The following NPHP1 variants were observed in gnomAD, a reference collection of about 807,000 sequenced individuals.
NPHP1 encodes the protein nephrocystin-1.
Under a neutral mutation model 90.4 loss-of-function variants are expected in NPHP1, and 70 were observed. That is an observed-to-expected ratio of 0.77 (90% confidence interval 0.64 to 0.95). NPHP1 has a LOEUF of 0.95. Among genes scored for constraint, NPHP1 ranks in the 40% least tolerant of loss-of-function variants. The pLI, the probability that NPHP1 is intolerant of heterozygous loss-of-function variation, is 0.00. For missense variants in NPHP1, 764 were observed against 795.9 expected (o/e 0.96, Z 0.48); for synonymous variants, 256 against 271.7 (o/e 0.94, Z 0.57).
intron 2 of NPHP1, among the ~76,000 whole-genome samples, chr2:110,188,404 A>G (rs904197356): frequency 1.3e-5 from 2 of 152,140 alleles, no homozygotes; most frequent in Non-Finnish European, 2.9e-5. Context: ...CTGAACTCAC[A>G]TTCACAACTG....
intron 2 of NPHP1, chr2:110,185,275 T>C (rs1684208241): frequency 2.2e-6 from 1 of 451,076 alleles, no homozygotes; most frequent in Non-Finnish European, 4.4e-6. Flanking sequence ...TGCCTGTGTG[T>C]GTGAGTGCAT....
At chr2:110,171,331 G>A (rs1683118266) in intron 4 of NPHP1, among the ~76,000 whole-genome samples, 1 of 152,054 alleles carries the variant, frequency 6.6e-6, no homozygotes, top group Non-Finnish European at 1.5e-5. Context: ...CAAGATCTTT[G>A]CCCTCCTAAA....
intron 4 of NPHP1, among the ~76,000 whole-genome samples, chr2:110,174,339 A>G (rs1480096201): frequency 6.6e-6 from 1 of 152,090 alleles, no homozygotes; most frequent in Non-Finnish European, 1.5e-5. Flanking sequence ...CACGTTTAGT[A>G]TTCCATTTTA....
intron 2 of NPHP1, among the ~76,000 whole-genome samples, chr2:110,199,165 G>A (rs767862046): frequency 3.9e-5 from 6 of 152,060 alleles, no homozygotes; most frequent in South Asian, 2.1e-4. Context: ...GGCCAGGCAC[G>A]GTGGCTCACG....
chr2:110,172,513 G>A (rs1319317722), intron 4 of NPHP1, among the ~76,000 whole-genome samples: 1 of 152,014 alleles, frequency 6.6e-6, no homozygotes, highest in African/African-American at 2.4e-5. Context: ...AGGTGTGGCG[G>A]CTCACACCTG....
intron 17 of NPHP1, among the ~76,000 whole-genome samples, chr2:110,131,057 A>G (rs1679739840): frequency 2.0e-5 from 3 of 152,178 alleles, no homozygotes; most frequent in South Asian, 4.1e-4. Flanking sequence ...CTGAAAGAAG[A>G]GCCAATACAA....
Position 110,204,900 on chromosome 2 carries a change from C to A in NPHP1, c.69G>T (p.Gln23His). 6.2e-7 allele frequency: 1 copy of A among 1,613,920 alleles called. No homozygotes were observed. Among genetic ancestry groups the A allele is most frequent in the Non-Finnish European group, 8.5e-7 (1 of 1,179,902 alleles). ...GGCCCTCTGCACAGCCTGACCATAC[C>A]TGTTGCTTCAGCTCCTGATTGCGGC... ...LRRRNQELKQ[Q>H]VDSLLSESQL... The change falls in exon 1 of 20, where the codon CAG (glutamine) becomes CAT (histidine). Residue 23 changes from glutamine to histidine, a missense_variant and splice_region_variant. Physicochemically the swap from Gln to His is conservative, Grantham distance 24. Transcript: ENST00000445609.
chr2:110,125,573 A>C, intron 19 of NPHP1, 64 bp downstream of exon 19: 1 of 1,427,116 alleles, frequency 7.0e-7, no homozygotes, highest in South Asian at 1.1e-5. Context: ...AGACATGATT[A>C]GAATAGGCAA....
At chr2:110,128,963 G>A (rs1026314166) in intron 18 of NPHP1, 3 of 583,420 alleles carry the variant, frequency 5.1e-6, no homozygotes, top group South Asian at 4.1e-5. Context: ...TTGCAATAGT[G>A]TACATAGCAG....
chr2:110,141,195 G>A (rs182966439), intron 16 of NPHP1, among the ~76,000 whole-genome samples: 48 of 152,164 alleles, frequency 3.2e-4, no homozygotes, highest in South Asian at 2.7e-3. Flanking sequence ...ATCTTCATTT[G>A]AACAAATTTT....
chr2:110,143,696 G>T, intron 15 of NPHP1, 55 bp from the exon 16 acceptor site: 2 of 1,196,122 alleles, frequency 1.7e-6, no homozygotes, highest in Non-Finnish European at 2.5e-6. Context: ...GAGACAGTGA[G>T]TATAATAAAA....
At chr2:110,156,172 G>A (rs938292592) in intron 11 of NPHP1, among the ~76,000 whole-genome samples, 3 of 151,160 alleles carry the variant, frequency 2.0e-5, no homozygotes, top group South Asian at 2.1e-4. Context: ...CCCAGGTCCC[G>A]GTTCAAGCAA....
rs1280060216 is a variant in NPHP1 at position 110,174,468 on chromosome 2, T to G, written c.329+3955A>C. 2.6e-5 allele frequency among the ~76,000 whole-genome samples: 4 copies of G among 152,210 alleles called. 1 individual carries two copies. Among genetic ancestry groups the G allele is most frequent in the Admixed American group, 2.6e-4 (4 of 15,274 alleles). The stretch of plus-strand genomic sequence containing the variant: ...TTTAAATATCACATTTCACCAAAGA[T>G]AAAATAACTTTAAGATAAATAATTC... On this transcript the variant is annotated intron_variant, in intron 4 of 19. Coordinates refer to ENST00000445609, the MANE Select transcript of NPHP1 (RefSeq NM_001128178.3).
chr2:110,201,433 T>C lies in NPHP1; in HGVS notation c.131A>G (p.His44Arg). 2 of 1,605,708 alleles carry C rather than the reference T, an allele frequency of 1.2e-6. No homozygotes were observed. Among genetic ancestry groups the C allele is most frequent in the Non-Finnish European group, 1.7e-6 (2 of 1,173,766 alleles). The change falls in exon 2 of 20, where the codon CAT becomes CGT. Residue 44 changes from histidine (H) to arginine (R), a missense_variant. Physicochemically the swap from His to Arg is conservative, Grantham distance 29 (BLOSUM62 0). Transcript: ENST00000445609. ...KEALEPNKRQ[H>R]IYQRCIQLKQ... ...TAGCATACTTTACCTTTGATAAATA[T>C]GTTGTCTTTTATTGGGTTCTAGAGC...
At chr2:110,202,320 T>C (rs1685622467) in intron 1 of NPHP1, 2 of 361,340 alleles carry the variant, frequency 5.5e-6, no homozygotes, top group Non-Finnish European at 1.2e-5. Context: ...TAGTTTCTTC[T>C]CTACTCTTGC....
At chr2:110,202,454 G>C (rs143365854) in intron 1 of NPHP1, 6 of 455,538 alleles carry the variant, frequency 1.3e-5, no homozygotes, top group Non-Finnish European at 2.7e-5. Context: ...TAGAAAATCT[G>C]TTCCATATTC....
chr2:110,144,536 AGGAG>A lies in NPHP1; in HGVS notation c.1382_1385del (p.Thr461IlefsTer25). The A allele has an allele frequency of 6.2e-7, 1 of 1,606,398 alleles. No individual in the cohort carries two copies. On this transcript the variant is annotated frameshift_variant, in exon 15 of 20. Coordinates refer to ENST00000445609, the MANE Select transcript of NPHP1 (RefSeq NM_001128178.3). LOFTEE classifies it high-confidence loss of function. ...GGTCCACTTCAATACCTTTTTCATA[AGGAG>A]TACCACCATTCAAGAAAAGCTCATA...
chr2:110,179,762 T>TCGTTGAG (rs1683759433), intron 2 of NPHP1, 78 bp from the exon 3 acceptor site: 1 of 711,574 alleles, frequency 1.4e-6, no homozygotes, highest in Non-Finnish European at 2.4e-6. Flanking sequence ...AATCATTCAG[T>TCGTTGAG]CGTTGAGCAG....
chr2:110,178,245 T>C (rs1683643019), intron 4 of NPHP1, 178 bp downstream of exon 4: 1 of 638,552 alleles, frequency 1.6e-6, no homozygotes, highest in Non-Finnish European at 2.7e-6. Context: ...CTTACACTTC[T>C]TTCCATCTCT....
Sources: gnomAD v4.1 joint callset for allele counts (sites outside exome capture counted in the v4.1 genomes callset) on GRCh38, gnomAD v4.1.1 for gene constraint, MANE v1.5 for transcripts, NCBI Gene and HGNC (gene_info 2026-07-23, HGNC 2026-07-21) for gene names.